Variants in M1AP observed in about 807,000 individuals in gnomAD.
The protein encoded by M1AP is meiosis 1 arrest protein.
Under a neutral mutation model 51.2 loss-of-function variants are expected in M1AP, and 39 were observed. The observed-to-expected ratio is 0.76, with a 90% CI of 0.59 to 1.00. The LOEUF is 1.00. Ranked by LOEUF, M1AP falls within the 50% of genes least tolerant of loss-of-function variation. The pLI, the probability that M1AP is intolerant of heterozygous loss-of-function variation, is 0.00. For missense variants in M1AP, 545 were observed against 641.2 expected (o/e 0.85, Z 1.62); for synonymous variants, 251 against 249.2 (o/e 1.01, Z -0.07).
At chr2:74,637,932 C>T (rs934065936) in intron 2 of M1AP, among the ~76,000 whole-genome samples, 1 of 152,134 alleles carries the variant, frequency 6.6e-6, no homozygotes, top group Non-Finnish European at 1.5e-5. Flanking sequence ...GCTATTAATA[C>T]CTTGGTCTCT....
chr2:74,625,334 G>C (rs1682318659), intron 2 of M1AP, among the ~76,000 whole-genome samples: 1 of 152,080 alleles, frequency 6.6e-6, no homozygotes, highest in African/African-American at 2.4e-5. Context: ...CATGATATGA[G>C]AAGCAAATAT....
intron 4 of M1AP, among the ~76,000 whole-genome samples, chr2:74,601,829 T>C (rs1320692762): frequency 2.6e-5 from 4 of 152,188 alleles, no homozygotes; most frequent in African/African-American, 7.2e-5. Context: ...TCTAAATTCA[T>C]TCTTTTACAG....
At chr2:74,602,571 A>G (rs1188379104) in intron 4 of M1AP, among the ~76,000 whole-genome samples, 3 of 152,228 alleles carry the variant, frequency 2.0e-5, no homozygotes, top group Admixed American at 2.0e-4. Context: ...ACTGCAATTT[A>G]GACTTGGGCA....
intron 7 of M1AP, among the ~76,000 whole-genome samples, chr2:74,570,025 C>CT (rs767487507): frequency 2.0e-5 from 3 of 151,900 alleles, no homozygotes; most frequent in Non-Finnish European, 4.4e-5. Context: ...GAACTAGATC[C>CT]TTTTTGGTGT....
intron 4 of M1AP, among the ~76,000 whole-genome samples, chr2:74,590,049 G>T (rs369258163): frequency 6.6e-6 from 1 of 152,224 alleles, no homozygotes; most frequent in African/African-American, 2.4e-5. Flanking sequence ...CATGCAGCCT[G>T]CGGGAAGCAG....
chr2:74,596,781 C>T (rs371019962), intron 4 of M1AP, among the ~76,000 whole-genome samples: 23 of 152,190 alleles, frequency 1.5e-4, no homozygotes, highest in South Asian at 6.2e-4. Flanking sequence ...CAATATACCA[C>T]TACTCAGCAA....
At chr2:74,617,426 C>G (rs1479642390) in intron 2 of M1AP, among the ~76,000 whole-genome samples, 1 of 152,196 alleles carries the variant, frequency 6.6e-6, no homozygotes, top group African/African-American at 2.4e-5. Context: ...AACGCAGGAA[C>G]AGAAAACCAA....
At chr2:74,564,167 T>C (rs1000761528) in intron 7 of M1AP, among the ~76,000 whole-genome samples, 12 of 152,112 alleles carry the variant, frequency 7.9e-5, no homozygotes, top group African/African-American at 2.2e-4. Context: ...GGAAGACAAA[T>C]AGAAAGTGAC....
chr2:74,567,204 A>G (rs1206775539), intron 7 of M1AP, among the ~76,000 whole-genome samples: 1 of 152,234 alleles, frequency 6.6e-6, no homozygotes, highest in Non-Finnish European at 1.5e-5. Context: ...GAACAGCATA[A>G]AAAGATAAAA....
intron 4 of M1AP, among the ~76,000 whole-genome samples, chr2:74,597,269 T>C (rs1396203745): frequency 6.6e-6 from 1 of 152,222 alleles, no homozygotes; most frequent in Non-Finnish European, 1.5e-5. Context: ...AATAAACAAA[T>C]GTCTCTCTGT....
intron 1 of M1AP, among the ~76,000 whole-genome samples, chr2:74,641,673 G>C (rs893526389): frequency 6.9e-6 from 1 of 144,042 alleles, no homozygotes; most frequent in Non-Finnish European, 1.5e-5. Flanking sequence ...ATGGGGTCTT[G>C]CCATGTTGCC....
intron 4 of M1AP, among the ~76,000 whole-genome samples, chr2:74,599,950 C>T (rs1390688464): frequency 6.6e-6 from 1 of 151,924 alleles, no homozygotes; most frequent in African/African-American, 2.4e-5. Context: ...TCCTCCTCAG[C>T]GTGCCTAAAC....
At chr2:74,605,468 G>A (rs988362371) in intron 4 of M1AP, among the ~76,000 whole-genome samples, 7 of 152,060 alleles carry the variant, frequency 4.6e-5, no homozygotes, top group African/African-American at 1.7e-4. Flanking sequence ...TTTTTTAATT[G>A]TGGTAAGAAC....
intron 2 of M1AP, chr2:74,619,356 T>C (rs1490155423): frequency 2.0e-5 from 4 of 195,272 alleles, no homozygotes; most frequent in Non-Finnish European, 4.4e-5. Context: ...GCACTCACAT[T>C]ACCATGAATC....
intron 4 of M1AP, among the ~76,000 whole-genome samples, chr2:74,594,834 A>C (rs181632953): frequency 2.6e-5 from 4 of 152,194 alleles, no homozygotes; most frequent in African/African-American, 9.7e-5. Flanking sequence ...AATTGTGATC[A>C]CGCTACAGCA....
chr2:74,601,887 C>G (rs1680699063), intron 4 of M1AP, among the ~76,000 whole-genome samples: 1 of 152,150 alleles, frequency 6.6e-6, no homozygotes, highest in Admixed American at 6.5e-5. Flanking sequence ...TGATAATTAG[C>G]TTTCACTGTG....
rs764700893 is a variant in M1AP at position 74,607,103 on chromosome 2, G to A, written c.547C>T (p.Leu183=). The A allele has an allele frequency of 5.8e-5, 94 of 1,613,884 alleles. No individual in the cohort carries two copies. The highest frequency in any genetic ancestry group is 7.6e-5 in the Non-Finnish European group (90 of 1,179,958). Residue 183 remains leucine (L), a synonymous_variant, in exon 4 of 11, where the codon CTA becomes TTA. Coordinates refer to ENST00000421985, the MANE Select transcript of M1AP (RefSeq NM_001321739.2). ...FQVVEVTKGI[L]EHVDSASPVE... is the part of the protein sequence containing the mutation. ...GGAGACGCTGAGTCCACGTGCTCTA[G>A]GATTCCCTTTGTGACCTCAACGACC... is the stretch of plus-strand genomic sequence containing the variant.
intron 3 of M1AP, among the ~76,000 whole-genome samples, chr2:74,609,518 C>T (rs1681206268): frequency 1.3e-5 from 2 of 152,180 alleles, no homozygotes; most frequent in South Asian, 4.1e-4. Flanking sequence ...TGCAATAAAC[C>T]TGGGAGTGAA....
At chr2:74,598,717 C>T (rs1053404671) in intron 4 of M1AP, among the ~76,000 whole-genome samples, 1 of 150,410 alleles carries the variant, frequency 6.6e-6, no homozygotes, top group African/African-American at 2.5e-5. Context: ...CTTGACCGCC[C>T]GGGCTCAAGT....
Sources: allele counts gnomAD v4.1 joint callset (sites outside exome capture counted in the v4.1 genomes callset), GRCh38; gene constraint gnomAD v4.1.1; transcripts MANE v1.5; gene names NCBI Gene and HGNC (gene_info 2026-07-23, HGNC 2026-07-21).